LMX1A: variants seen among roughly 807,000 people sequenced by gnomAD.
The protein encoded by LMX1A is LIM homeobox transcription factor 1 alpha.
LMX1A carries 15 observed loss-of-function variants against 49.1 expected under a neutral mutation model. The ratio of observed to expected loss-of-function variants is 0.31; its 90% CI spans 0.20 to 0.47. The LOEUF (loss-of-function observed/expected upper bound fraction) is 0.47. LMX1A is among the 20% of genes least tolerant of loss of function. LMX1A has a pLI of 1.00. For synonymous variants in LMX1A, 167 were observed against 185.7 expected (o/e 0.90, Z 0.82); for missense variants, 372 against 475.8 (o/e 0.78, Z 2.03).
chr1:165,217,604 A>T (rs1394984268), intron 4 of LMX1A, among the ~76,000 whole-genome samples: 1 of 152,260 alleles, frequency 6.6e-6, no homozygotes, highest in Non-Finnish European at 1.5e-5. Context: ...AAACCTGTGC[A>T]TACACAAGTC....
chr1:165,299,959 C>T (rs535828764), intron 3 of LMX1A, among the ~76,000 whole-genome samples: 31 of 152,198 alleles, frequency 2.0e-4, no homozygotes, highest in East Asian at 5.8e-4. Context: ...TGACCCAGTA[C>T]GACTATAGGG....
intron 4 of LMX1A, among the ~76,000 whole-genome samples, chr1:165,241,756 A>G (rs1014054726): frequency 1.3e-5 from 2 of 152,206 alleles, no homozygotes; most frequent in African/African-American, 4.8e-5. Context: ...TTTATTGGAG[A>G]ACAAGAAGAT....
At chr1:165,263,209 A>T (rs562141683) in intron 3 of LMX1A, among the ~76,000 whole-genome samples, 1 of 152,130 alleles carries the variant, frequency 6.6e-6, no homozygotes, top group South Asian at 2.1e-4. Flanking sequence ...TTCTATCTCC[A>T]CCCCAGCTTG....
At chr1:165,204,948 GT>G (rs1483889516) in intron 8 of LMX1A, among the ~76,000 whole-genome samples, 5 of 152,040 alleles carry the variant, frequency 3.3e-5, no homozygotes, top group African/African-American at 1.2e-4. Flanking sequence ...CTTAATAAAT[GT>G]TTGCTGAATG....
At position 165,326,836 on chromosome 1, in the gene LMX1A, A is replaced by T. The variant is rs146332081; in HGVS notation, c.263+26240T>A. On this transcript the variant is annotated intron_variant, in intron 3 of 8. Coordinates refer to ENST00000342310, the MANE Select transcript of LMX1A (RefSeq NM_177398.4). ...CAACTAGGAGAGATTCTAGATGTCT[A>T]GAGATATACTTGATTGTTACAAGTG... 4.6e-5 allele frequency among the ~76,000 whole-genome samples: 7 copies of T among 152,320 alleles called. No homozygotes were observed. In the East Asian group the frequency reaches 1.3e-3, roughly 29 times the overall value.
chr1:165,271,203 G>C (rs1321189594), intron 3 of LMX1A, among the ~76,000 whole-genome samples: 1 of 152,128 alleles, frequency 6.6e-6, no homozygotes, highest in Non-Finnish European at 1.5e-5. Context: ...TTTGCTCTGT[G>C]AGTAAGAAGT....
chr1:165,349,892 A>C (rs903860538), intron 3 of LMX1A, among the ~76,000 whole-genome samples: 2 of 152,210 alleles, frequency 1.3e-5, no homozygotes, highest in Admixed American at 1.3e-4. Flanking sequence ...AACAGCAAGA[A>C]ATGCACATAC....
Position 165,321,864 on chromosome 1 carries a change from A to G in LMX1A, c.263+31212T>C, listed in dbSNP as rs146826429. Among the ~76,000 whole-genome samples, 115 of 152,312 alleles carry G rather than the reference A, an allele frequency of 7.6e-4. No homozygotes were observed. The East Asian group carries it at 0.018, about 24-fold the overall frequency. On this transcript the variant is annotated intron_variant, in intron 3 of 8. Transcript: ENST00000342310. ...AATATTTGCAAATCATATAACATAT[A>G]CAGGTCTAGTATCTAGGATATATAA...
intron 3 of LMX1A, among the ~76,000 whole-genome samples, chr1:165,285,446 G>C (rs528355034): frequency 3.9e-5 from 6 of 152,240 alleles, no homozygotes; most frequent in Non-Finnish European, 8.8e-5. Context: ...AAAGAAATCA[G>C]TGACAGCTCA....
intron 3 of LMX1A, among the ~76,000 whole-genome samples, chr1:165,253,510 A>C (rs1439732239): frequency 6.6e-6 from 1 of 152,144 alleles, no homozygotes; most frequent in African/African-American, 2.4e-5. Context: ...GGGCCATTCT[A>C]ATTCTTTGAG....
intron 6 of LMX1A, 77 bp downstream of exon 6, chr1:165,210,622 A>G: frequency 9.6e-7 from 1 of 1,038,702 alleles, no homozygotes; most frequent in Admixed American, 2.0e-5. Flanking sequence ...AAAACCTGGC[A>G]GCAAGTACAA....
At chr1:165,234,915 C>A (rs770991208) in intron 4 of LMX1A, among the ~76,000 whole-genome samples, 27 of 152,268 alleles carry the variant, frequency 1.8e-4, no homozygotes, top group Non-Finnish European at 3.5e-4. Context: ...TGAAACCAGG[C>A]GACTTTCAAC....
chr1:165,355,512 G>T lies in LMX1A; in HGVS notation c.48C>A (p.Asp16Glu), dbSNP rs752910688. The T allele has an allele frequency of 6.2e-7, 1 of 1,613,914 alleles. No individual in the cohort carries two copies. The highest frequency in any genetic ancestry group is 2.2e-5 in the East Asian group (1 of 44,850). ...GCAGCGAGGAGAAGGAGGCCGAGGT[G>T]TCGATCGCGCTTTGGAAGTTCTCCT... ...KMEENFQSAIDTSASFSSLLG... is the reference protein window; with the variant it reads ...KMEENFQSAIETSASFSSLLG... Residue 16 changes from aspartate to glutamate, a missense_variant, in exon 2 of 9, where the codon GAC (aspartate) becomes GAA (glutamate). Transcript: ENST00000342310. The surrounding 1 kb of genome is among the most constrained non-coding windows in gnomAD (Gnocchi z 4.7).
chr1:165,276,353 CAT>C (rs1476205825), intron 3 of LMX1A, among the ~76,000 whole-genome samples: 1 of 152,164 alleles, frequency 6.6e-6, no homozygotes, highest in Non-Finnish European at 1.5e-5. Context: ...GTTCTTTAAA[CAT>C]AAAATGATTC....
chr1:165,268,962 G>C (rs2101693463), intron 3 of LMX1A, among the ~76,000 whole-genome samples: 1 of 152,312 alleles, frequency 6.6e-6, no homozygotes, highest in Admixed American at 6.5e-5. Flanking sequence ...CCAAGGAATA[G>C]GACAGAGAGA....
intron 2 of LMX1A, among the ~76,000 whole-genome samples, chr1:165,353,752 CT>C (rs1205537627): frequency 3.9e-5 from 6 of 152,122 alleles, no homozygotes; most frequent in African/African-American, 1.4e-4. Flanking sequence ...TCTTTTCTTC[CT>C]AAAAAGTCCT....
chr1:165,328,683 A>G (rs1655654163), intron 3 of LMX1A, among the ~76,000 whole-genome samples: 1 of 152,212 alleles, frequency 6.6e-6, no homozygotes, highest in African/African-American at 2.4e-5. Context: ...TAAAACATGA[A>G]GCAGACCTTA....
rs563839931 is a variant in LMX1A at position 165,344,766 on chromosome 1, G to C, written c.263+8310C>G. On this transcript the variant is annotated intron_variant, in intron 3 of 8. Transcript: ENST00000342310. ...ACTTGCCCATTCCTGATTCTCTCCA[G>C]TGACTGGATAGGACCCAGTGACTGC... Among the ~76,000 whole-genome samples the C allele has an allele frequency of 5.3e-5, 8 of 152,354 alleles. No individual in the cohort carries two copies. The South Asian group carries it at 1.7e-3, about 32-fold the overall frequency.
chr1:165,258,296 T>C (rs1653315768), intron 3 of LMX1A, among the ~76,000 whole-genome samples: 1 of 152,196 alleles, frequency 6.6e-6, no homozygotes, highest in African/African-American at 2.4e-5. Flanking sequence ...TTCAAAAGTA[T>C]TGGGAACCAA....
Sources: gnomAD v4.1 joint callset for allele counts (sites outside exome capture counted in the v4.1 genomes callset) on GRCh38, gnomAD v4.1.1 for gene constraint, Gnocchi (gnomAD v3.1) non-coding constraint, MANE v1.5 for transcripts, NCBI Gene and HGNC (gene_info 2026-07-23, HGNC 2026-07-21) for gene names.